The following GANAB variants were observed in gnomAD, a reference collection of about 807,000 sequenced individuals.
The protein encoded by GANAB is neutral alpha-glucosidase AB.
In GANAB, 35 loss-of-function variants were observed where a neutral mutation model predicts 129.9. That is an observed-to-expected ratio of 0.27 (90% CI 0.21 to 0.36). The LOEUF is 0.36. Among genes scored for constraint, GANAB ranks in the 10% least tolerant of loss-of-function variants. GANAB has a pLI of 1.00. For synonymous variants in GANAB, 482 were observed against 451.8 expected (o/e 1.07, Z -0.85); for missense variants, 939 against 1,221.0 (o/e 0.77, Z 3.44).
In GANAB at chr11:62,626,379, GA is replaced by G; in HGVS notation, c.2579del (p.Phe860SerfsTer34). The G allele has an allele frequency of 6.2e-7, 1 of 1,613,514 alleles. No homozygotes were observed. Among genetic ancestry groups the G allele is most frequent in the Non-Finnish European group, 8.5e-7 (1 of 1,179,390 alleles). The part of the protein sequence containing the change: ...HTFNYQTRQE[F>X]LLRRFSFSGN... Reference sequence around the variant, plus strand: ...CAGAGAATGAGAATCGACGCAGCAGGAACTCTTGGCGAGTCTGATAGTTGAA... The same window carrying G: ...CAGAGAATGAGAATCGACGCAGCAGGACTCTTGGCGAGTCTGATAGTTGAA... On this transcript the variant is annotated frameshift_variant, in exon 22 of 24. Coordinates refer to ENST00000356638, the MANE Select transcript of GANAB (RefSeq NM_198334.3). LOFTEE classifies it high-confidence loss of function.
chr11:62,636,730 A>C (rs1943958304), intron 4 of GANAB, among the ~76,000 whole-genome samples: 1 of 152,048 alleles, frequency 6.6e-6, no homozygotes, highest in South Asian at 2.1e-4. Flanking sequence ...ATGAGCCTGC[A>C]GTCCCAGCTA....
intron 5 of GANAB, 119 bp from the exon 6 acceptor site, chr11:62,633,633 GGGACTAAATGTTAAA>G: frequency 1.2e-6 from 1 of 834,146 alleles, no homozygotes; most frequent in East Asian, 2.4e-5. Flanking sequence ...ATTGGAGGAA[GGGACTAAATGTTAAA>G]GCTTGGAGAG....
chr11:62,625,997 A>C (rs1943354535), intron 23 of GANAB, 68 bp downstream of exon 23: 1 of 1,461,104 alleles, frequency 6.8e-7, no homozygotes, highest in Non-Finnish European at 9.6e-7. Context: ...CCTACAGGCA[A>C]GGGCATCCCT....
intron 5 of GANAB, 170 bp from the exon 6 acceptor site, chr11:62,633,684 T>G (rs1229272796): frequency 8.0e-6 from 5 of 626,916 alleles, no homozygotes; most frequent in Non-Finnish European, 1.4e-5. Flanking sequence ...CAGATAAGTT[T>G]GCAAAGGATG....
At chr11:62,626,516 T>C in intron 21 of GANAB, 55 bp downstream of exon 21, 4 of 1,504,802 alleles carry the variant, frequency 2.7e-6, no homozygotes, top group Non-Finnish European at 3.7e-6. Flanking sequence ...CCCAGAGAAC[T>C]GAGTCCTAGG....
chr11:62,646,311 CAAGA>C (rs1275404496), intron 1 of GANAB, among the ~76,000 whole-genome samples: 1 of 152,208 alleles, frequency 6.6e-6, no homozygotes, highest in Non-Finnish European at 1.5e-5. Flanking sequence ...CGGCCAAGAC[CAAGA>C]AAGACGCACA....
chr11:62,637,314 T>C (rs1234936167), intron 4 of GANAB, among the ~76,000 whole-genome samples: 1 of 152,230 alleles, frequency 6.6e-6, no homozygotes, highest in Admixed American at 6.5e-5. Context: ...CCGGGTGTGG[T>C]GGCTCAAGCC....
rs761610648 is a variant in GANAB at position 62,639,341 on chromosome 11, T to C, written c.252+18A>G. Reference sequence around the variant, plus strand: ...CCATTGCCCCACCCCCACCAGACTCTTCCTTGTCTCTCCTGACCTTGGTGA... The same window carrying C: ...CCATTGCCCCACCCCCACCAGACTCCTCCTTGTCTCTCCTGACCTTGGTGA... On this transcript the variant is annotated intron_variant, in intron 3 of 23. Coordinates refer to ENST00000356638, the MANE Select transcript of GANAB (RefSeq NM_198334.3). 2.6e-6 allele frequency: 4 copies of C among 1,517,850 alleles called. No individual in the cohort carries two copies. In the East Asian group the frequency reaches 6.8e-5, roughly 26 times the overall value. 94.0% of individuals were successfully genotyped at this position (1,517,850 alleles called of 1,614,324 possible).
chr11:62,637,198 A>G (rs1043935746), intron 4 of GANAB, among the ~76,000 whole-genome samples: 6 of 152,224 alleles, frequency 3.9e-5, no homozygotes, highest in Non-Finnish European at 8.8e-5. Context: ...AACATACACA[A>G]AAACTAAAGA....
At chr11:62,641,341 GAAAAA>G (rs10629748) in intron 1 of GANAB, among the ~76,000 whole-genome samples, 2 of 109,978 alleles carry the variant, frequency 1.8e-5, no homozygotes, top group Non-Finnish European at 3.6e-5. Flanking sequence ...AAAACTCTCA[GAAAAA>G]AAAAAAAAAA....
rs760977684 is a variant in GANAB at position 62,630,428 on chromosome 11, C to T, written c.1464G>A (p.Leu488=). ...RVHEELRNLG[L]YVKTRDGSDY... The stretch of plus-strand genomic sequence containing the variant: ...CAGAGCCATCCCGGGTTTTAACATA[C>T]AGCCCCAGGTTCCGCAGCTCCTCGT... Residue 488 remains leucine (L), a synonymous_variant, in exon 12 of 24, where the codon CTG becomes CTA. Coordinates refer to ENST00000356638, the MANE Select transcript of GANAB (RefSeq NM_198334.3). The T allele has an allele frequency of 4.3e-5, 69 of 1,614,098 alleles. No homozygotes were observed. The highest frequency in any genetic ancestry group is 5.7e-5 in the Non-Finnish European group (67 of 1,180,044).
At chr11:62,638,271 G>A (rs970943616) in intron 4 of GANAB, among the ~76,000 whole-genome samples, 7 of 151,874 alleles carry the variant, frequency 4.6e-5, no homozygotes, top group Admixed American at 1.3e-4. Context: ...GTCCTGCCTC[G>A]GCCTCCTGAG....
chr11:62,630,069 T>C (rs1022073832), intron 13 of GANAB, 112 bp from the exon 14 acceptor site: 12 of 1,251,994 alleles, frequency 9.6e-6, no homozygotes, highest in Non-Finnish European at 1.4e-5. Flanking sequence ...TTCAGGGCCC[T>C]CCCCGGATCA....
intron 5 of GANAB, chr11:62,634,294 G>A: frequency 6.5e-7 from 1 of 1,542,242 alleles, no homozygotes; most frequent in Non-Finnish European, 9.0e-7. Context: ...TACAGTACCG[G>A]TGGCCATGGA....
At position 62,629,105 on chromosome 11, in the gene GANAB, A is replaced by G; in HGVS notation, c.1936+89T>C. On this transcript the variant is annotated intron_variant, in intron 16 of 23. Coordinates refer to ENST00000356638, the MANE Select transcript of GANAB (RefSeq NM_198334.3). ...CCCAAGGCCCTAACTTGGACTCTCAACTCTCTTTGCTTACAACACCTTGGT... is the reference window on the plus strand; with the variant it reads ...CCCAAGGCCCTAACTTGGACTCTCAGCTCTCTTTGCTTACAACACCTTGGT... 3.9e-6 allele frequency: 6 copies of G among 1,552,596 alleles called. No individual in the cohort carries two copies. The South Asian group carries it at 5.6e-5, about 14-fold the overall frequency.
chr11:62,634,637 G>C (rs1446383519), intron 5 of GANAB, 184 bp downstream of exon 5: 1 of 618,770 alleles, frequency 1.6e-6, no homozygotes, highest in African/African-American at 1.8e-5. Flanking sequence ...CTGCCTCCTG[G>C]TCTGTACAGG....
chr11:62,639,017 G>C lies in GANAB; in HGVS notation c.346C>G (p.Pro116Ala). Residue 116 changes from proline (P) to alanine (A), a missense_variant, in exon 4 of 24, where the codon CCA becomes GCA. By Grantham distance (27) the Pro-to-Ala change is conservative (BLOSUM62 -1). Around this residue, in one of 5 missense-constraint regions of GANAB, gnomAD observed 321 missense variants for 329.1 expected, o/e 0.98. Transcript: ENST00000356638. ...LEPRRPRYRV[P>A]DVLVADPPIA... Reference sequence around the variant, plus strand: ...GGTGGATCAGCCACCAAAACATCTGGTACACGGTATCGGGGTCGCCGAGGC... The same window carrying C: ...GGTGGATCAGCCACCAAAACATCTGCTACACGGTATCGGGGTCGCCGAGGC... 1 of 1,614,066 alleles carries C rather than the reference G, an allele frequency of 6.2e-7. No homozygotes were observed.
chr11:62,646,023 C>T (rs1320884816), intron 1 of GANAB, among the ~76,000 whole-genome samples: 1 of 152,220 alleles, frequency 6.6e-6, no homozygotes, highest in Non-Finnish European at 1.5e-5. Context: ...TGGGCCGTGC[C>T]CAGCGACCGT....
chr11:62,646,211 T>C (rs1306034431), intron 1 of GANAB, among the ~76,000 whole-genome samples: 1 of 152,158 alleles, frequency 6.6e-6, no homozygotes, highest in Non-Finnish European at 1.5e-5. Flanking sequence ...GGCCGCATCT[T>C]TTCCCCCGCC....
Sources: gnomAD v4.1 joint callset for allele counts (sites outside exome capture counted in the v4.1 genomes callset) on GRCh38, gnomAD v4.1.1 for gene constraint, gnomAD v4.1.1 regional missense constraint, MANE v1.5 for transcripts, NCBI Gene and HGNC (gene_info 2026-07-23, HGNC 2026-07-21) for gene names.